Variants in RERE observed in about 807,000 individuals in gnomAD.
The protein encoded by RERE is arginine-glutamic acid dipeptide repeats protein.
A neutral mutation model predicts 146.1 loss-of-function variants in RERE; 40 were observed. The observed-to-expected ratio is 0.27, with a 90% CI of 0.21 to 0.36. The LOEUF is 0.36. Ranked by LOEUF, RERE falls within the 10% of genes least tolerant of loss-of-function variation. The pLI is 1.00. For synonymous variants in RERE, 1,003 were observed against 866.0 expected (o/e 1.16, Z -2.78); for missense variants, 1,933 against 2,138.7 (o/e 0.90, Z 1.90).
chr1:8,527,224 C>A (rs1285423500), intron 7 of RERE, among the ~76,000 whole-genome samples: 1 of 152,186 alleles, frequency 6.6e-6, no homozygotes, highest in Non-Finnish European at 1.5e-5. Context: ...CACTTAAATA[C>A]GTTTTCCTTT....
chr1:8,551,768 C>G (rs960914622), intron 6 of RERE, among the ~76,000 whole-genome samples: 23 of 152,142 alleles, frequency 1.5e-4, no homozygotes, highest in Admixed American at 4.6e-4. Flanking sequence ...GTCATGTGAC[C>G]TTGAACAAGT....
Position 8,355,043 on chromosome 1 carries a change from C to T in RERE, c.*44G>A. ...TATGTAAAAAGTCCTGTTTCTCCCC[C>T]CAAGAACTGGGGTTTCCACAGCCAG... On this transcript the variant is annotated 3_prime_UTR_variant, in exon 23 of 23. Coordinates refer to ENST00000400908, the MANE Select transcript of RERE (RefSeq NM_001042681.2). 1.3e-6 allele frequency: 2 copies of T among 1,566,488 alleles called. No homozygotes were observed. Among genetic ancestry groups the T allele is most frequent in the East Asian group, 2.2e-5 (1 of 44,634 alleles).
intron 2 of RERE, among the ~76,000 whole-genome samples, chr1:8,646,104 C>A (rs994439906): frequency 6.0e-4 from 5 of 8,290 alleles, no homozygotes; most frequent in Non-Finnish European, 1.2e-3. Flanking sequence ...ACAAAGCTCT[C>A]AAATGTGAAA....
chr1:8,597,564 G>A (rs1472242977), intron 4 of RERE, among the ~76,000 whole-genome samples: 3 of 152,060 alleles, frequency 2.0e-5, no homozygotes, highest in East Asian at 1.9e-4. Context: ...ATTAAAACAC[G>A]CAGATAGAAA....
chr1:8,677,533 C>T (rs1638871778), intron 1 of RERE, among the ~76,000 whole-genome samples: 1 of 151,056 alleles, frequency 6.6e-6, no homozygotes, highest in Admixed American at 6.6e-5. Flanking sequence ...ATCACACGGT[C>T]AGTATTTCAC....
chr1:8,607,534 C>CTTTTTTCTTTTTTTTTTTTTT (rs1646733411), intron 4 of RERE, among the ~76,000 whole-genome samples: 13 of 48,586 alleles, frequency 2.7e-4, no homozygotes, highest in African/African-American at 9.4e-4. Flanking sequence ...ATATATATTT[C>CTTTTTTCTTTTTTTTTTTTTT]TTTTTTTTTT....
chr1:8,452,020 C>T (rs996407824), intron 11 of RERE, among the ~76,000 whole-genome samples: 1 of 152,208 alleles, frequency 6.6e-6, no homozygotes, highest in African/African-American at 2.4e-5. Flanking sequence ...CTCCCCCACC[C>T]ATAAGCTTCA....
At position 8,362,837 on chromosome 1, in the gene RERE, G is replaced by A. The variant is rs1297389227; in HGVS notation, c.1748C>T (p.Thr583Ile). 1.9e-6 allele frequency: 3 copies of A among 1,611,178 alleles called. No homozygotes were observed. Among genetic ancestry groups the A allele is most frequent in the East Asian group, 4.5e-5 (2 of 44,862 alleles). ...RTRRSRGSMS[T>I]LRSGRKKQPA... is the part of the protein sequence containing the mutation. ...CTGCTTCTTCCGACCACTGCGTAGT[G>A]TCGACATCTGCCCACCCAAACCGAA... Residue 583 changes from threonine to isoleucine, a missense_variant, in exon 16 of 23, where the codon ACA (threonine) becomes ATA (isoleucine). By Grantham distance (89) the Thr-to-Ile change is moderately conservative. Transcript: ENST00000400908.
At chr1:8,523,663 T>TAA (rs1645534531) in intron 7 of RERE, among the ~76,000 whole-genome samples, 1 of 32,992 alleles carries the variant, frequency 3.0e-5, no homozygotes, top group Non-Finnish European at 6.3e-5. Flanking sequence ...CATACCACAC[T>TAA]CATTAGAGTT....
At chr1:8,758,394 T>G (rs1436471144) in intron 1 of RERE, among the ~76,000 whole-genome samples, 1 of 151,166 alleles carries the variant, frequency 6.6e-6, no homozygotes, top group Non-Finnish European at 1.5e-5. Context: ...AATCTTTTTT[T>G]TTTTTTTTTT....
At chr1:8,775,108 A>G (rs1557535558) in intron 1 of RERE, among the ~76,000 whole-genome samples, 2 of 150,990 alleles carry the variant, frequency 1.3e-5, no homozygotes. Context: ...TTACAGGCGC[A>G]CGCCACCACG....
At chr1:8,786,039 G>A (rs920537450) in intron 1 of RERE, among the ~76,000 whole-genome samples, 3 of 151,868 alleles carry the variant, frequency 2.0e-5, no homozygotes, top group Non-Finnish European at 4.4e-5. Context: ...ACTAACCCAG[G>A]CCCACAGCAC....
intron 1 of RERE, chr1:8,750,541 C>T (rs1640511779): frequency 2.0e-6 from 2 of 1,014,672 alleles, no homozygotes; most frequent in Admixed American, 1.7e-5. Context: ...AGAAGTCTGC[C>T]CAAAACATGC....
chr1:8,423,782 C>G lies in RERE; in HGVS notation c.1204-975G>C. ...GGGCCGCCGCTGACGGGGGAGGAGG[C>G]AGGAGCGCGGCGCGCAGAGCCCGGC... On this transcript the variant is annotated intron_variant, in intron 11 of 22. Coordinates refer to ENST00000400908, the MANE Select transcript of RERE (RefSeq NM_001042681.2). This position sits in a 1 kb window ranked among gnomAD's most constrained non-coding sequence, Gnocchi z 5.4. 1 of 782,064 alleles carries G rather than the reference C, an allele frequency of 1.3e-6. No homozygotes were observed. The highest frequency in any genetic ancestry group is 1.5e-6 in the Non-Finnish European group (1 of 647,390). The allele number at this position is 782,064 out of a possible 1,614,324, so 48.4% of individuals were successfully genotyped here. A position where few individuals can be genotyped will look rare whatever the true frequency, so the allele number is the denominator to read the frequency against.
At chr1:8,815,863 A>G (rs112325513) in intron 1 of RERE, among the ~76,000 whole-genome samples, 1,563 of 124,066 alleles carry the variant, frequency 0.013, 7 homozygotes, top group Non-Finnish European at 0.018. Flanking sequence ...GTGTGTGTGT[A>G]TATGTGTGTC....
At chr1:8,661,571 G>A (rs1217404994) in intron 1 of RERE, among the ~76,000 whole-genome samples, 1 of 152,140 alleles carries the variant, frequency 6.6e-6, no homozygotes, top group East Asian at 1.9e-4. Context: ...GGAAGGGCTG[G>A]GGTAGTAGCA....
intron 1 of RERE, among the ~76,000 whole-genome samples, chr1:8,770,559 G>A (rs1455342067): frequency 6.6e-6 from 1 of 152,090 alleles, no homozygotes; most frequent in Admixed American, 6.5e-5. Context: ...CCTCATCTGC[G>A]AAATAACTAT....
At position 8,355,541 on chromosome 1, in the gene RERE, G is replaced by A. The variant is rs765290933; in HGVS notation, c.4545C>T (p.His1515=). 5 of 1,607,456 alleles carry A rather than the reference G, an allele frequency of 3.1e-6. No individual in the cohort carries two copies. The South Asian group carries it at 5.5e-5, about 18-fold the overall frequency. Residue 1515 remains histidine (H), a synonymous_variant, in exon 22 of 23, where the codon CAC becomes CAT. Coordinates refer to ENST00000400908, the MANE Select transcript of RERE (RefSeq NM_001042681.2). ...ACTGGGCATGCATGGCCTGCAGCTG[G>A]TGGGCTGCTGACATGGGGGGTGGGA... The part of the protein sequence containing the change: ...GAIPPPMSAA[H]QLQAMHAQSA...
chr1:8,547,914 T>C (rs1037588440), intron 6 of RERE, among the ~76,000 whole-genome samples: 3 of 152,184 alleles, frequency 2.0e-5, no homozygotes, highest in Non-Finnish European at 4.4e-5. Flanking sequence ...AAGATATTCA[T>C]TGCAGCATCA....
Sources: allele counts gnomAD v4.1 joint callset (sites outside exome capture counted in the v4.1 genomes callset), GRCh38; gene constraint gnomAD v4.1.1; non-coding constraint Gnocchi (gnomAD v3.1); transcripts MANE v1.5; gene names NCBI Gene and HGNC (gene_info 2026-07-23, HGNC 2026-07-21).